The following SIK3 variants were observed in gnomAD, a reference collection of about 807,000 sequenced individuals.
The protein encoded by SIK3 is SIK family kinase 3.
Under a neutral mutation model 144.2 loss-of-function variants are expected in SIK3, and 28 were observed. That is an observed-to-expected ratio of 0.19 (90% CI 0.14 to 0.27). SIK3 has a LOEUF of 0.27. Among genes scored for constraint, SIK3 ranks in the 10% least tolerant of loss-of-function variants. The probability of loss-of-function intolerance (pLI) is 1.00; values close to 1 mark genes in which losing one functional copy is unlikely to be tolerated. For synonymous variants in SIK3, 686 were observed against 676.3 expected (o/e 1.01, Z -0.22); for missense variants, 1,319 against 1,776.0 (o/e 0.74, Z 4.62).
At chr11:117,020,246 TACAC>T (rs1555130052) in intron 1 of SIK3, among the ~76,000 whole-genome samples, 1 of 127,124 alleles carries the variant, frequency 7.9e-6, no homozygotes. Context: ...CATATATATA[TACAC>T]ATACATATAT....
At chr11:117,091,974 G>GA (rs1247969553) in intron 1 of SIK3, among the ~76,000 whole-genome samples, 1 of 152,014 alleles carries the variant, frequency 6.6e-6, no homozygotes, top group African/African-American at 2.4e-5. Flanking sequence ...GTAGAGATGG[G>GA]ATCTCACTAT....
rs535357567 is a variant in SIK3, at chr11:117,012,392, T to C, written c.274-55328A>G. On this transcript the variant is annotated intron_variant, in intron 1 of 24. Coordinates refer to ENST00000445177, the MANE Select transcript of SIK3 (RefSeq NM_001366686.3). Reference sequence around the variant, plus strand: ...GCCCCTGCTTGGCTTACAGAAGAACTAGAATCTTCATTACACCATCATACT... The same window carrying C: ...GCCCCTGCTTGGCTTACAGAAGAACCAGAATCTTCATTACACCATCATACT... Among the ~76,000 whole-genome samples, 123 of 152,350 alleles carry C rather than the reference T, an allele frequency of 8.1e-4. 1 individual carries two copies. Among genetic ancestry groups the C allele is most frequent in the African/African-American group, 2.9e-3 (121 of 41,576 alleles).
At position 116,858,318 on chromosome 11, in the gene SIK3, T is replaced by C. The variant is rs1359771371; in HGVS notation, c.3147A>G (p.Gln1049=). 1 of 1,613,420 alleles carries C rather than the reference T, an allele frequency of 6.2e-7. No homozygotes were observed. Among genetic ancestry groups the C allele is most frequent in the Non-Finnish European group, 8.5e-7 (1 of 1,179,518 alleles). Residue 1049 remains glutamine, a synonymous_variant, in exon 21 of 25, where the codon CAA becomes CAG. Coordinates refer to ENST00000445177, the MANE Select transcript of SIK3 (RefSeq NM_001366686.3). This position sits in a 1 kb window ranked among gnomAD's most constrained non-coding sequence, Gnocchi z 5.4. ...GCTGTTGCTGCTGCTGCTGCCGTTGTTGCTGCTGCCTTTTAATGAGCTGTG... is the reference window on the plus strand; with the variant it reads ...GCTGTTGCTGCTGCTGCTGCCGTTGCTGCTGCTGCCTTTTAATGAGCTGTG... The part of the protein sequence containing the change: ...EFAQLIKRQQ[Q]QRQQQQQQQQ...
At chr11:116,939,243 G>A (rs1252671315) in intron 3 of SIK3, among the ~76,000 whole-genome samples, 3 of 152,194 alleles carry the variant, frequency 2.0e-5, no homozygotes, top group Non-Finnish European at 4.4e-5. Flanking sequence ...CGCCTCCTGG[G>A]TTCAAGCAAT....
rs1942219199 is a variant in SIK3, at chr11:116,849,056, A to C, written c.3819+64T>G. 6.6e-7 allele frequency: 1 copy of C among 1,518,612 alleles called. No homozygotes were observed. Among genetic ancestry groups the C allele is most frequent in the Admixed American group, 2.0e-5 (1 of 49,524 alleles). 94.1% of individuals were successfully genotyped at this position (1,518,612 alleles called of 1,614,324 possible). On this transcript the variant is annotated intron_variant, in intron 22 of 24. Transcript: ENST00000445177. The surrounding 1 kb of genome is among the most constrained non-coding windows in gnomAD (Gnocchi z 4.2). ...CCAAGAGAGGCTACCCCACATCACT[A>C]TACTCTGTTTCAAGGCTGGGACTGG...
rs374113756 is a variant in SIK3, at chr11:116,849,226, G to A, written c.3713C>T (p.Pro1238Leu). The change falls in exon 22 of 25, where the codon CCG (proline) becomes CTG (leucine). Residue 1238 changes from proline to leucine, a missense_variant. Pro to Leu is a moderately conservative substitution (Grantham distance 98, BLOSUM62 -3). Coordinates refer to ENST00000445177, the MANE Select transcript of SIK3 (RefSeq NM_001366686.3). This position sits in a 1 kb window ranked among gnomAD's most constrained non-coding sequence, Gnocchi z 4.2. ...TGGGTACCCGAGCCCATTGTGATCC[G>A]GCAGCTCCACTGCTTGTCCTGGAGA... ...RSSPGQAVEL[P>L]DHNGLGYPAR... 29 of 1,614,152 alleles carry A rather than the reference G, an allele frequency of 1.8e-5. No individual in the cohort carries two copies. Among genetic ancestry groups the A allele is most frequent in the East Asian group, 4.5e-5 (2 of 44,884 alleles).
At chr11:117,078,140 G>A (rs1954631840) in intron 1 of SIK3, among the ~76,000 whole-genome samples, 1 of 152,188 alleles carries the variant, frequency 6.6e-6, no homozygotes, top group Admixed American at 6.5e-5. Context: ...AAACTTCTCT[G>A]ATGCTCACAA....
chr11:117,077,660 T>G (rs1954611586), intron 1 of SIK3, among the ~76,000 whole-genome samples: 1 of 152,132 alleles, frequency 6.6e-6, no homozygotes, highest in African/African-American at 2.4e-5. Context: ...CTTATTGCTG[T>G]GCTGGGAGAG....
intron 1 of SIK3, among the ~76,000 whole-genome samples, chr11:117,008,075 CAAAAAAAAAAAAAA>C (rs59486431): frequency 3.2e-3 from 175 of 54,688 alleles, no homozygotes; most frequent in Non-Finnish European, 4.5e-3. Flanking sequence ...GACTCCATCT[CAAAAAAAAAAAAAA>C]AAAAAAAAAA....
At chr11:117,007,608 A>T (rs1271208711) in intron 1 of SIK3, among the ~76,000 whole-genome samples, 5 of 152,106 alleles carry the variant, frequency 3.3e-5, no homozygotes, top group African/African-American at 1.2e-4. Context: ...GTGTTGGGGG[A>T]TCCTATACTC....
intron 1 of SIK3, among the ~76,000 whole-genome samples, chr11:117,026,867 T>C (rs1952032310): frequency 6.6e-6 from 1 of 151,842 alleles, no homozygotes; most frequent in Non-Finnish European, 1.5e-5. Context: ...GCAAAAACAG[T>C]GAAATTAAGA....
At chr11:117,055,007 C>T (rs1953446939) in intron 1 of SIK3, among the ~76,000 whole-genome samples, 1 of 152,098 alleles carries the variant, frequency 6.6e-6, no homozygotes, top group Non-Finnish European at 1.5e-5. Context: ...AATACTTTTA[C>T]AAGAATTATC....
At chr11:117,089,765 C>T (rs1342029680) in intron 1 of SIK3, among the ~76,000 whole-genome samples, 5 of 152,158 alleles carry the variant, frequency 3.3e-5, no homozygotes, top group Non-Finnish European at 7.4e-5. Context: ...AAATAACTGG[C>T]CGAAAGTATC....
intron 1 of SIK3, among the ~76,000 whole-genome samples, chr11:116,974,684 C>T (rs757545344): frequency 2.0e-5 from 3 of 152,144 alleles, no homozygotes; most frequent in Non-Finnish European, 2.9e-5. Context: ...TATAAGCCAC[C>T]GTACCTGGCC....
chr11:117,044,179 G>T (rs1381542785), intron 1 of SIK3, among the ~76,000 whole-genome samples: 1 of 152,118 alleles, frequency 6.6e-6, no homozygotes, highest in Admixed American at 6.6e-5. Context: ...GCAAGTGAAT[G>T]AAACAAATTT....
At chr11:116,945,182 A>G (rs938023084) in intron 3 of SIK3, among the ~76,000 whole-genome samples, 4 of 151,702 alleles carry the variant, frequency 2.6e-5, no homozygotes, top group African/African-American at 9.7e-5. Flanking sequence ...GATGTTCTCA[A>G]TCTCCTGACC....
At chr11:117,032,489 GT>G (rs574782081) in intron 1 of SIK3, among the ~76,000 whole-genome samples, 1 of 151,864 alleles carries the variant, frequency 6.6e-6, no homozygotes, top group Admixed American at 6.6e-5. Flanking sequence ...ATTGATTTTT[GT>G]TTTTTTGTTT....
chr11:117,087,166 G>A (rs1020042584), intron 1 of SIK3, among the ~76,000 whole-genome samples: 1 of 152,122 alleles, frequency 6.6e-6, no homozygotes, highest in Non-Finnish European at 1.5e-5. Context: ...TTGGCCGGGT[G>A]CGGTGGCTCA....
chr11:117,073,596 T>C (rs1391260831), intron 1 of SIK3, among the ~76,000 whole-genome samples: 2 of 152,234 alleles, frequency 1.3e-5, no homozygotes, highest in Non-Finnish European at 2.9e-5. Flanking sequence ...AAGAATTATA[T>C]GAAGTATACA....
Sources: gnomAD v4.1 joint callset for allele counts (sites outside exome capture counted in the v4.1 genomes callset) on GRCh38, gnomAD v4.1.1 for gene constraint, Gnocchi (gnomAD v3.1) non-coding constraint, MANE v1.5 for transcripts, NCBI Gene and HGNC (gene_info 2026-07-23, HGNC 2026-07-21) for gene names.